SPOCK3: variants seen among roughly 807,000 people sequenced by gnomAD.
The protein encoded by SPOCK3 is testican-3.
A neutral mutation model predicts 56.6 loss-of-function variants in SPOCK3; 30 were observed. That is an observed-to-expected ratio of 0.53 (90% CI 0.40 to 0.72). The LOEUF is 0.72. SPOCK3 is among the 30% of genes least tolerant of loss of function. SPOCK3 has a pLI of 0.00. For synonymous variants in SPOCK3, 196 were observed against 183.3 expected (o/e 1.07, Z -0.56); for missense variants, 527 against 530.0 (o/e 0.99, Z 0.06).
chr4:167,062,645 T>C (rs1755725923), intron 2 of SPOCK3, 108 bp from the exon 3 acceptor site: 3 of 753,558 alleles, frequency 4.0e-6, no homozygotes, highest in Non-Finnish European at 6.7e-6. Context: ...TACAAACCTC[T>C]ACTTCCTGCA....
At position 166,823,186 on chromosome 4, in the gene SPOCK3, G is replaced by A. The variant is rs184317419; in HGVS notation, c.590-30897C>T. 3.6e-4 allele frequency among the ~76,000 whole-genome samples: 55 copies of A among 151,908 alleles called. 1 individual carries two copies. The East Asian group carries it at 9.7e-3, about 27-fold the overall frequency. ...TTTCATTTTTTCAAAAACAATCTTGGGTTTTCACCAACGGAATGTGAGTCA... is the reference window on the plus strand; with the variant it reads ...TTTCATTTTTTCAAAAACAATCTTGAGTTTTCACCAACGGAATGTGAGTCA... On this transcript the variant is annotated intron_variant, in intron 6 of 10. Transcript: ENST00000357545.
chr4:167,120,888 A>G (rs1222733128), intron 2 of SPOCK3, among the ~76,000 whole-genome samples: 1 of 152,010 alleles, frequency 6.6e-6, no homozygotes, highest in Non-Finnish European at 1.5e-5. Flanking sequence ...CATTTAAATC[A>G]ATTCCAACAT....
At chr4:167,182,972 G>A (rs1179141652) in intron 2 of SPOCK3, among the ~76,000 whole-genome samples, 1 of 152,168 alleles carries the variant, frequency 6.6e-6, no homozygotes, top group Non-Finnish European at 1.5e-5. Flanking sequence ...ATCCTGCCAT[G>A]TGATTTGCTT....
intron 2 of SPOCK3, among the ~76,000 whole-genome samples, chr4:167,161,717 A>T (rs1378023602): frequency 1.3e-5 from 2 of 152,170 alleles, no homozygotes; most frequent in Non-Finnish European, 1.5e-5. Context: ...GCCACAAAAA[A>T]TGATGAGTTC....
At position 167,073,641 on chromosome 4, in the gene SPOCK3, T is replaced by A. The variant is rs1756902115; in HGVS notation, c.190-11104A>T. Reference sequence around the variant, plus strand: ...TGAATACCTTCTTTGAACATATCTGTTTTTAGACACAAACTGAAAGCTGTT... The same window carrying A: ...TGAATACCTTCTTTGAACATATCTGATTTTAGACACAAACTGAAAGCTGTT... On this transcript the variant is annotated intron_variant, in intron 2 of 10. Transcript: ENST00000357545. Among the ~76,000 whole-genome samples the A allele has an allele frequency of 2.0e-5, 3 of 151,880 alleles. 1 individual carries two copies. The highest frequency in any genetic ancestry group is 6.6e-5 in the Admixed American group (1 of 15,206).
intron 3 of SPOCK3, among the ~76,000 whole-genome samples, chr4:167,033,701 C>T (rs1338508206): frequency 4.6e-5 from 7 of 151,892 alleles, no homozygotes; most frequent in Non-Finnish European, 8.8e-5. Flanking sequence ...AGGGAATCTT[C>T]CTTGCCTGCC....
chr4:166,837,676 T>C (rs934510553), intron 6 of SPOCK3, among the ~76,000 whole-genome samples: 3 of 152,226 alleles, frequency 2.0e-5, no homozygotes, highest in South Asian at 2.1e-4. Flanking sequence ...ACAGTTATAA[T>C]GTTTGCTTCT....
intron 3 of SPOCK3, among the ~76,000 whole-genome samples, chr4:167,020,395 G>A (rs1751054552): frequency 6.6e-6 from 1 of 152,038 alleles, no homozygotes; most frequent in South Asian, 2.1e-4. Context: ...TTGAATGCAT[G>A]CCCTTAAAAA....
At chr4:167,093,234 TACTC>T (rs1758858400) in intron 2 of SPOCK3, among the ~76,000 whole-genome samples, 1 of 152,164 alleles carries the variant, frequency 6.6e-6, no homozygotes, top group African/African-American at 2.4e-5. Flanking sequence ...CTTGGGGAAT[TACTC>T]AATTCCCCAA....
chr4:166,829,870 T>C (rs1283875500), intron 6 of SPOCK3, among the ~76,000 whole-genome samples: 14 of 152,082 alleles, frequency 9.2e-5, no homozygotes. Context: ...TATCATAAGA[T>C]AAAAACAGAT....
intron 2 of SPOCK3, among the ~76,000 whole-genome samples, chr4:167,222,109 ATAT>A (rs1372535948): frequency 6.6e-6 from 1 of 152,136 alleles, no homozygotes; most frequent in Admixed American, 6.6e-5. Context: ...ATACAATGGA[ATAT>A]TATTCAGTCT....
In SPOCK3 at chr4:166,775,880, T is replaced by C. The variant is rs369029923; in HGVS notation, c.709+16290A>G. 7.0e-4 allele frequency among the ~76,000 whole-genome samples: 107 copies of C among 152,266 alleles called. 1 individual carries two copies. Among genetic ancestry groups the C allele is most frequent in the African/African-American group, 2.5e-3 (104 of 41,558 alleles). On this transcript the variant is annotated intron_variant, in intron 7 of 10. Coordinates refer to ENST00000357545, the MANE Select transcript of SPOCK3 (RefSeq NM_001040159.2). ...AGTGGGGCACACGCATGAAGAATAC[T>C]AAATATGGAACAGATATAAATGTGC...
At chr4:166,831,093 G>T (rs1745996393) in intron 6 of SPOCK3, among the ~76,000 whole-genome samples, 1 of 152,052 alleles carries the variant, frequency 6.6e-6, no homozygotes, top group Non-Finnish European at 1.5e-5. Flanking sequence ...AAATCTGTAG[G>T]AATTTTAATT....
intron 4 of SPOCK3, among the ~76,000 whole-genome samples, chr4:166,995,048 G>C (rs1579936371): frequency 6.6e-6 from 1 of 152,140 alleles, no homozygotes. Context: ...AGTAACATAA[G>C]ACAATAAAGC....
At chr4:167,149,409 A>G (rs1469910543) in intron 2 of SPOCK3, among the ~76,000 whole-genome samples, 1 of 152,056 alleles carries the variant, frequency 6.6e-6, no homozygotes, top group Non-Finnish European at 1.5e-5. Context: ...TTTGCAAACA[A>G]TTAAAGATTC....
chr4:166,944,809 A>G (rs1376848215), intron 4 of SPOCK3, among the ~76,000 whole-genome samples: 1 of 152,176 alleles, frequency 6.6e-6, no homozygotes, highest in Non-Finnish European at 1.5e-5. Context: ...TTCACTCTAA[A>G]GTTATTCATT....
chr4:167,055,635 G>A (rs986485485), intron 3 of SPOCK3, among the ~76,000 whole-genome samples: 1 of 152,172 alleles, frequency 6.6e-6, no homozygotes, highest in African/African-American at 2.4e-5. Flanking sequence ...AAAATACGGT[G>A]CACCAGGAGA....
intron 7 of SPOCK3, among the ~76,000 whole-genome samples, chr4:166,755,331 T>A (rs905990504): frequency 1.3e-5 from 2 of 152,044 alleles, no homozygotes; most frequent in African/African-American, 4.8e-5. Flanking sequence ...GCAAATGTGT[T>A]ATTATGAGAG....
chr4:166,951,769 G>T lies in SPOCK3; in HGVS notation c.351-39026C>A, dbSNP rs548923833. ...GGGCTTCATCCCTGGGATGCAAGGC[G>T]GGTTCAATATACACAAATCAATAAA... On this transcript the variant is annotated intron_variant, in intron 4 of 10. Transcript: ENST00000357545. 1.5e-3 allele frequency among the ~76,000 whole-genome samples: 222 copies of T among 150,496 alleles called. 1 individual carries two copies. In the East Asian group the frequency reaches 0.015, roughly 10 times the overall value.
Sources: gnomAD v4.1 joint callset for allele counts (sites outside exome capture counted in the v4.1 genomes callset) on GRCh38, gnomAD v4.1.1 for gene constraint, MANE v1.5 for transcripts, NCBI Gene and HGNC (gene_info 2026-07-23, HGNC 2026-07-21) for gene names.